The following LRRK1 variants were observed in gnomAD, a reference collection of about 807,000 sequenced individuals.
LRRK1 encodes leucine-rich repeat serine/threonine-protein kinase 1.
A neutral mutation model predicts 209.1 loss-of-function variants in LRRK1; 113 were observed. The observed-to-expected ratio is 0.54, with a 90% CI of 0.46 to 0.63. LRRK1 has a LOEUF of 0.63. LRRK1 is among the 30% of genes least tolerant of loss of function. The pLI is 0.00. For missense variants in LRRK1, 2,284 were observed against 2,632.2 expected, an observed-to-expected ratio of 0.87 and a Z score of 2.89; for synonymous variants, 1,144 against 1,099.7, an observed-to-expected ratio of 1.04 and a Z score of -0.80.
chr15:100,958,173 GTTCTT>G (rs1235345352), intron 2 of LRRK1, among the ~76,000 whole-genome samples: 4 of 152,190 alleles, frequency 2.6e-5, no homozygotes, highest in Non-Finnish European at 4.4e-5. Flanking sequence ...TAGTTCTTTT[GTTCTT>G]TTCTTTCTCT....
At chr15:100,962,366 T>C (rs2030044225) in intron 2 of LRRK1, among the ~76,000 whole-genome samples, 1 of 151,830 alleles carries the variant, frequency 6.6e-6, no homozygotes. Flanking sequence ...CCTGTCTCCA[T>C]TAAAAATACA....
intron 31 of LRRK1, 88 bp from the exon 32 acceptor site, chr15:101,065,264 G>A (rs1457660146): frequency 6.7e-7 from 1 of 1,488,664 alleles, no homozygotes; most frequent in Non-Finnish European, 9.1e-7. Flanking sequence ...GCCTGGTGTG[G>A]GTGCAGATGA....
At chr15:101,039,493 A>G (rs934466927) in intron 20 of LRRK1, among the ~76,000 whole-genome samples, 6 of 152,150 alleles carry the variant, frequency 3.9e-5, no homozygotes, top group African/African-American at 1.4e-4. Flanking sequence ...GCTCCAGTAG[A>G]TTTTTCAGGA....
In LRRK1 at chr15:101,071,814, C is replaced by T. The variant is rs2036816005; in HGVS notation, c.*2966C>T. 6.6e-6 allele frequency: 1 copy of T among 152,250 alleles called. No homozygotes were observed. The highest frequency in any genetic ancestry group is 6.5e-5 in the Admixed American group (1 of 15,282). 9.4% of individuals were successfully genotyped at this position (152,250 alleles called of 1,614,324 possible). On this transcript the variant is annotated 3_prime_UTR_variant, in exon 34 of 34. Coordinates refer to ENST00000388948, the MANE Select transcript of LRRK1 (RefSeq NM_024652.6). ...TTCGTGGCTTGGCCTAGGAACGTTA[C>T]ATTTGACTGAGGCTGGCGAGGCCTG... is the stretch of plus-strand genomic sequence containing the variant.
chr15:101,025,066 G>A (rs1461600025), intron 16 of LRRK1, 99 bp downstream of exon 16: 4 of 1,230,646 alleles, frequency 3.3e-6, no homozygotes, highest in Middle Eastern at 2.8e-4. Flanking sequence ...AAAAAAGGGG[G>A]TTATGTTGCC....
intron 3 of LRRK1, among the ~76,000 whole-genome samples, chr15:100,979,953 AG>A (rs1181761455): frequency 1.3e-5 from 2 of 152,226 alleles, no homozygotes; most frequent in Non-Finnish European, 2.9e-5. Flanking sequence ...GATGCAGAGA[AG>A]GGGTATCTCT....
intron 2 of LRRK1, among the ~76,000 whole-genome samples, chr15:100,951,564 A>G (rs2042652604): frequency 6.6e-6 from 1 of 152,230 alleles, no homozygotes; most frequent in Admixed American, 6.5e-5. Flanking sequence ...TGATGAATAA[A>G]TAAACAAATG....
chr15:101,029,140 G>A lies in LRRK1; in HGVS notation c.2871G>A (p.Leu957=), dbSNP rs982501451. Residue 957 remains leucine, a synonymous_variant, in exon 20 of 34, where the codon CTG becomes CTA. Coordinates refer to ENST00000388948, the MANE Select transcript of LRRK1 (RefSeq NM_024652.6). ...GVIRAEDLRM[L]LVGTGFTQQT... is the part of the protein sequence containing the mutation. ...TCAGAGCAGAAGACCTCAGGATGCT[G>A]CTGGTGGGGACTGGCTTCACGCAGC... 1.9e-6 allele frequency: 3 copies of A among 1,614,210 alleles called. No individual in the cohort carries two copies. The highest frequency in any genetic ancestry group is 1.3e-5 in the African/African-American group (1 of 75,056).
intron 10 of LRRK1, among the ~76,000 whole-genome samples, chr15:101,013,286 G>A (rs1011814702): frequency 6.6e-6 from 1 of 152,214 alleles, no homozygotes; most frequent in Non-Finnish European, 1.5e-5. Flanking sequence ...CAACAAGGAA[G>A]GAGACAAAAG....
Position 100,972,825 on chromosome 15 carries a change from C to G in LRRK1, c.98-979C>G, listed in dbSNP as rs369228026. 1.2e-4 allele frequency among the ~76,000 whole-genome samples: 19 copies of G among 152,032 alleles called. 1 individual carries two copies. The highest frequency in any genetic ancestry group is 9.2e-4 in the Admixed American group (14 of 15,276). On this transcript the variant is annotated intron_variant, in intron 2 of 33. Coordinates refer to ENST00000388948, the MANE Select transcript of LRRK1 (RefSeq NM_024652.6). ...AACTGCTCATCCATCGCAGTCTTTC[C>G]GTAATACCTATGGAGAGAAAGCTTT... is the stretch of plus-strand genomic sequence containing the variant.
chr15:100,973,986 C>T lies in LRRK1; in HGVS notation c.261+19C>T, dbSNP rs962406905. On this transcript the variant is annotated intron_variant, in intron 3 of 33. Transcript: ENST00000388948. ...GGAAAAGGTAGGGGAGCGCCTGCCC[C>T]TGCGGCCACCCATGCAGCCCCGGGC... 39 of 1,245,726 alleles carry T rather than the reference C, an allele frequency of 3.1e-5. No homozygotes were observed. Among genetic ancestry groups the T allele is most frequent in the Admixed American group, 1.3e-4 (3 of 23,732 alleles). 77.2% of individuals were successfully genotyped at this position (1,245,726 alleles called of 1,614,324 possible). A position where few individuals can be genotyped will look rare whatever the true frequency, so the allele number is the denominator to read the frequency against.
chr15:100,994,386 G>A (rs182012944), intron 6 of LRRK1, among the ~76,000 whole-genome samples: 6 of 152,158 alleles, frequency 3.9e-5, no homozygotes, highest in South Asian at 4.2e-4. Context: ...AATCTGTAGC[G>A]TGAGACCCGG....
chr15:101,006,965 C>G (rs1212033924), intron 6 of LRRK1, among the ~76,000 whole-genome samples: 1 of 152,250 alleles, frequency 6.6e-6, no homozygotes, highest in Non-Finnish European at 1.5e-5. Context: ...CCCTCCTGGC[C>G]TAAGATCCAG....
chr15:101,048,779 T>C (rs2141126575), intron 22 of LRRK1, 122 bp downstream of exon 22: 2 of 744,284 alleles, frequency 2.7e-6, no homozygotes, highest in East Asian at 6.1e-5. Flanking sequence ...GAGCGGCTCG[T>C]CATGGCAGCT....
rs34551285 is a variant in LRRK1 at position 100,956,410 on chromosome 15, TAA to T, written c.98-17384_98-17383del. Among the ~76,000 whole-genome samples the T allele has an allele frequency of 8.3e-3, 1,088 of 130,592 alleles. 21 individuals are homozygous for T. The highest frequency in any genetic ancestry group is 0.031 in the African/African-American group (1,033 of 33,602). The allele number at this position is 130,592 out of a possible 152,430, so 85.7% of individuals were successfully genotyped here. On this transcript the variant is annotated intron_variant, in intron 2 of 33. Transcript: ENST00000388948. Reference sequence around the variant, plus strand: ...TTAGTCTAGCTAACGATTTGTCAATTAAAAAAAAAAACTCTTACTTTCGCTTT... The same window carrying T: ...TTAGTCTAGCTAACGATTTGTCAATTAAAAAAAAACTCTTACTTTCGCTTT...
intron 20 of LRRK1, among the ~76,000 whole-genome samples, chr15:101,038,839 C>T (rs1229385877): frequency 6.6e-6 from 1 of 152,222 alleles, no homozygotes; most frequent in Non-Finnish European, 1.5e-5. Context: ...CAGTGGCCAT[C>T]TTGCCTTCTT....
intron 2 of LRRK1, among the ~76,000 whole-genome samples, chr15:100,939,750 A>G (rs931988525): frequency 1.3e-5 from 2 of 151,992 alleles, no homozygotes; most frequent in African/African-American, 4.8e-5. Context: ...ACTCTGTGGT[A>G]CCCTGAGTTA....
intron 2 of LRRK1, among the ~76,000 whole-genome samples, chr15:100,947,393 T>C (rs2042562940): frequency 6.6e-6 from 1 of 152,246 alleles, no homozygotes; most frequent in Non-Finnish European, 1.5e-5. Flanking sequence ...AAACCAATTA[T>C]GAGATATCTT....
intron 5 of LRRK1, 90 bp downstream of exon 5, chr15:100,988,903 G>A: frequency 8.9e-7 from 1 of 1,125,940 alleles, no homozygotes; most frequent in Non-Finnish European, 1.3e-6. Context: ...CTCACTCTTG[G>A]CTCTCAAATC....
Sources: allele counts gnomAD v4.1 joint callset (sites outside exome capture counted in the v4.1 genomes callset), GRCh38; gene constraint gnomAD v4.1.1; transcripts MANE v1.5; gene names NCBI Gene and HGNC (gene_info 2026-07-23, HGNC 2026-07-21).